Variants in DPP10 observed in about 807,000 individuals in gnomAD.
DPP10 encodes the protein dipeptidyl peptidase like 10, also known as inactive dipeptidyl peptidase 10.
Under a neutral mutation model 120.9 loss-of-function variants are expected in DPP10, and 33 were observed. The observed-to-expected ratio is 0.27, with a 90% confidence interval of 0.21 to 0.37. DPP10 has a LOEUF of 0.37. Among genes scored for constraint, DPP10 ranks in the 10% least tolerant of loss-of-function variants. The pLI is 1.00. For missense variants in DPP10, 816 were observed against 942.8 expected, an observed-to-expected ratio of 0.87 and a Z score of 1.76; for synonymous variants, 337 against 326.1, an observed-to-expected ratio of 1.03 and a Z score of -0.36.
At chr2:115,289,956 G>C (rs1379019430) in intron 1 of DPP10, among the ~76,000 whole-genome samples, 1 of 152,044 alleles carries the variant, frequency 6.6e-6, no homozygotes. Flanking sequence ...TTATGCCTGA[G>C]ACCCCAAAAG....
rs534560444 is a variant in DPP10 at position 114,957,025 on chromosome 2, T to C, written c.61-352214T>C. ...AAGAGAAAACTGCATGATATTGATCTGAGCAAAGGTTTCTTGGATATTAGC... is the reference window on the plus strand; with the variant it reads ...AAGAGAAAACTGCATGATATTGATCCGAGCAAAGGTTTCTTGGATATTAGC... On this transcript the variant is annotated intron_variant, in intron 1 of 25. Coordinates refer to ENST00000410059, the MANE Select transcript of DPP10 (RefSeq NM_020868.6). 1.8e-4 allele frequency among the ~76,000 whole-genome samples: 27 copies of C among 147,284 alleles called. No individual in the cohort carries two copies. In the South Asian group the frequency reaches 5.7e-3, roughly 31 times the overall value.
At chr2:114,912,387 G>C (rs1238394772) in intron 1 of DPP10, among the ~76,000 whole-genome samples, 1 of 152,132 alleles carries the variant, frequency 6.6e-6, no homozygotes, top group African/African-American at 2.4e-5. Context: ...AGAATATTCA[G>C]TGAAGTTTGC....
intron 1 of DPP10, among the ~76,000 whole-genome samples, chr2:114,805,016 G>T (rs958915720): frequency 6.6e-6 from 1 of 152,128 alleles, no homozygotes; most frequent in African/African-American, 2.4e-5. Flanking sequence ...TGAATCATGG[G>T]GGCTGATCTT....
Position 115,836,205 on chromosome 2 carries a change from C to G in DPP10, c.1999C>G (p.Leu667Val). 2 of 1,606,464 alleles carry G rather than the reference C, an allele frequency of 1.2e-6. No homozygotes were observed. Among genetic ancestry groups the G allele is most frequent in the Non-Finnish European group, 1.7e-6 (2 of 1,177,154 alleles). ...ASMILKSDEK[L>V]FKCGSVVAPI... ...AATGATCTTAAAATCAGATGAAAAG[C>G]TTTTTAAATGTGGATCCGTGGTTGC... Residue 667 changes from leucine to valine, a missense_variant, in exon 22 of 26, where the codon CTT (leucine) becomes GTT (valine). Physicochemically the swap from Leu to Val is conservative, Grantham distance 32. This residue lies in a region of DPP10 where 592 missense variants were observed against 649.0 expected (regional missense o/e 0.91). Transcript: ENST00000410059.
chr2:115,587,455 A>G (rs908893196), intron 5 of DPP10, among the ~76,000 whole-genome samples: 1 of 152,082 alleles, frequency 6.6e-6, no homozygotes, highest in Non-Finnish European at 1.5e-5. Context: ...TCCACATGTA[A>G]GTGAGATTAT....
chr2:115,134,784 G>A (rs78734449), intron 1 of DPP10, among the ~76,000 whole-genome samples: 6,253 of 152,144 alleles, frequency 0.041, 196 homozygotes, highest in Admixed American at 0.086. Context: ...CAGTGGTTTC[G>A]TTGTATTATA....
At chr2:115,527,710 T>G (rs1254867089) in intron 5 of DPP10, among the ~76,000 whole-genome samples, 1 of 152,096 alleles carries the variant, frequency 6.6e-6, no homozygotes, top group Non-Finnish European at 1.5e-5. Context: ...GGCCCAGACA[T>G]GAAGAGACAT....
rs561441509 is a variant in DPP10, at chr2:114,681,829, T to C, written c.60+238991T>C. On this transcript the variant is annotated intron_variant, in intron 1 of 25. Coordinates refer to ENST00000410059, the MANE Select transcript of DPP10 (RefSeq NM_020868.6). ...TAAATAATTAATTTGCTATATTTTATGTTTCTATCATAATCCATGTTGTGA... is the reference window on the plus strand; with the variant it reads ...TAAATAATTAATTTGCTATATTTTACGTTTCTATCATAATCCATGTTGTGA... Among the ~76,000 whole-genome samples, 31 of 152,158 alleles carry C rather than the reference T, an allele frequency of 2.0e-4. No homozygotes were observed. The South Asian group carries it at 6.0e-3, about 29-fold the overall frequency.
At chr2:115,789,723 A>G (rs1683730775) in intron 17 of DPP10, among the ~76,000 whole-genome samples, 1 of 152,232 alleles carries the variant, frequency 6.6e-6, no homozygotes, top group African/African-American at 2.4e-5. Context: ...ATTGTGGAAT[A>G]TACACACAAT....
chr2:115,048,322 C>A (rs923751101), intron 1 of DPP10, among the ~76,000 whole-genome samples: 13 of 151,932 alleles, frequency 8.6e-5, no homozygotes, highest in African/African-American at 2.7e-4. Context: ...ATCTAGTATT[C>A]CTTCTCAATA....
intron 1 of DPP10, among the ~76,000 whole-genome samples, chr2:115,251,527 G>A (rs1457591372): frequency 1.3e-5 from 2 of 152,054 alleles, no homozygotes; most frequent in Non-Finnish European, 2.9e-5. Flanking sequence ...TTCAACCCCT[G>A]TCTATAGGAC....
At chr2:114,644,701 CA>C (rs1695988191) in intron 1 of DPP10, among the ~76,000 whole-genome samples, 1 of 151,834 alleles carries the variant, frequency 6.6e-6, no homozygotes, top group Admixed American at 6.6e-5. Flanking sequence ...GCCTTGTCCC[CA>C]AAATTGCCTG....
intron 3 of DPP10, among the ~76,000 whole-genome samples, chr2:115,346,536 G>A (rs2063720754): frequency 1.3e-5 from 2 of 152,072 alleles, no homozygotes. Context: ...GGGTGCCCCT[G>A]TTCATGGTTA....
intron 1 of DPP10, chr2:114,463,430 A>G (rs1198297429): frequency 1.3e-5 from 2 of 152,136 alleles, no homozygotes; most frequent in African/African-American, 2.4e-5. Context: ...AGGACTGGTA[A>G]GTTATGTTCC....
chr2:115,653,312 A>T (rs1432262209), intron 5 of DPP10, among the ~76,000 whole-genome samples: 5 of 151,994 alleles, frequency 3.3e-5, no homozygotes, highest in Non-Finnish European at 7.4e-5. Context: ...AGAATAAAAA[A>T]TTATTCTTAG....
chr2:115,706,849 C>T (rs756494368), intron 7 of DPP10, among the ~76,000 whole-genome samples: 1 of 151,934 alleles, frequency 6.6e-6, no homozygotes, highest in Non-Finnish European at 1.5e-5. Flanking sequence ...GCAGATAACT[C>T]CCCAAAGGGA....
intron 2 of DPP10, among the ~76,000 whole-genome samples, chr2:115,314,841 A>C (rs898991004): frequency 6.6e-6 from 1 of 152,182 alleles, no homozygotes; most frequent in Non-Finnish European, 1.5e-5. Context: ...AGAGAAACAT[A>C]GGCAGCCCTA....
chr2:114,560,052 A>G (rs899687265), intron 1 of DPP10, among the ~76,000 whole-genome samples: 1 of 152,220 alleles, frequency 6.6e-6, no homozygotes, highest in African/African-American at 2.4e-5. Flanking sequence ...GATTTCTTTC[A>G]GTGCTAACTT....
intron 1 of DPP10, among the ~76,000 whole-genome samples, chr2:114,733,570 T>C (rs1331862976): frequency 6.6e-6 from 1 of 152,168 alleles, no homozygotes; most frequent in African/African-American, 2.4e-5. Flanking sequence ...TGTTCTTTTG[T>C]TTAAAATGCC....
Sources: allele counts gnomAD v4.1 joint callset (sites outside exome capture counted in the v4.1 genomes callset), GRCh38; gene constraint gnomAD v4.1.1; regional missense constraint gnomAD v4.1.1; transcripts MANE v1.5; gene names NCBI Gene and HGNC (gene_info 2026-07-23, HGNC 2026-07-21).